The following ATP13A3 variants were observed in gnomAD, a reference collection of about 807,000 sequenced individuals.
The protein encoded by ATP13A3 is polyamine-transporting ATPase 13A3.
ATP13A3 carries 59 observed loss-of-function variants against 158.1 expected under a neutral mutation model. The observed-to-expected ratio is 0.37, with a 90% confidence interval of 0.30 to 0.46. ATP13A3 has a LOEUF of 0.46. ATP13A3 is among the 20% of genes least tolerant of loss of function. The pLI, the probability that ATP13A3 is intolerant of heterozygous loss-of-function variation, is 1.00. For synonymous variants in ATP13A3, 491 were observed against 504.3 expected, an observed-to-expected ratio of 0.97 and a Z score of 0.35; for missense variants, 1,166 against 1,525.2, an observed-to-expected ratio of 0.76 and a Z score of 3.92.
At chr3:194,422,193 G>C (rs546985297) in intron 30 of ATP13A3, among the ~76,000 whole-genome samples, 1 of 152,202 alleles carries the variant, frequency 6.6e-6, no homozygotes, top group South Asian at 2.1e-4. Context: ...ATGGCTGGCA[G>C]ACATACAACC....
chr3:194,464,608 G>A (rs902396794), intron 2 of ATP13A3, among the ~76,000 whole-genome samples: 6 of 151,934 alleles, frequency 3.9e-5, no homozygotes, highest in South Asian at 2.1e-4. Context: ...TAATAACACC[G>A]TACAGGCCTA....
intron 10 of ATP13A3, chr3:194,452,362 C>T (rs1359512992): frequency 5.9e-5 from 9 of 152,238 alleles, no homozygotes; most frequent in Non-Finnish European, 8.8e-5. Flanking sequence ...CGTGGTGGCA[C>T]ATGCCTCTAA....
At chr3:194,417,296 T>C (rs1022038178) in intron 31 of ATP13A3, among the ~76,000 whole-genome samples, 1 of 151,740 alleles carries the variant, frequency 6.6e-6, no homozygotes, top group African/African-American at 2.4e-5. Flanking sequence ...TTGTGGCAGG[T>C]GCCAGCTACT....
At chr3:194,433,401 T>G (rs993235784) in intron 21 of ATP13A3, among the ~76,000 whole-genome samples, 2 of 151,888 alleles carry the variant, frequency 1.3e-5, no homozygotes, top group East Asian at 1.9e-4. Flanking sequence ...CCGCCACCGC[T>G]CCCGGCTAAT....
chr3:194,405,812 G>A lies in ATP13A3; in HGVS notation c.*107C>T, dbSNP rs925051708. 1.7e-6 allele frequency: 2 copies of A among 1,143,550 alleles called. No individual in the cohort carries two copies. The highest frequency in any genetic ancestry group is 1.6e-5 in the African/African-American group (1 of 64,504). The allele number at this position is 1,143,550 out of a possible 1,614,324, so 70.8% of individuals were successfully genotyped here. Reference sequence around the variant, plus strand: ...TGTCAAATAAGCTACTATATCAGAAGGGACATAAACTGAACTAGTGCCATT... The same window carrying A: ...TGTCAAATAAGCTACTATATCAGAAAGGACATAAACTGAACTAGTGCCATT... On this transcript the variant is annotated 3_prime_UTR_variant, in exon 34 of 34. Transcript: ENST00000645319.
rs1289611445 is a variant in ATP13A3, at chr3:194,404,196, A to G, written c.*1723T>C. On this transcript the variant is annotated 3_prime_UTR_variant, in exon 34 of 34. Coordinates refer to ENST00000645319, the MANE Select transcript of ATP13A3 (RefSeq NM_001367549.1). Reference sequence around the variant, plus strand: ...AGAGGTCTAAGATGCATAGCTTCATAGAATCATTCATGGAACAACTGTTAT... The same window carrying G: ...AGAGGTCTAAGATGCATAGCTTCATGGAATCATTCATGGAACAACTGTTAT... 7 of 427,572 alleles carry G rather than the reference A, an allele frequency of 1.6e-5. No individual in the cohort carries two copies. Among genetic ancestry groups the G allele is most frequent in the Middle Eastern group, 4.1e-4 (1 of 2,466 alleles). 26.5% of individuals were successfully genotyped at this position (427,572 alleles called of 1,614,324 possible). A position where few individuals can be genotyped will look rare whatever the true frequency, so the allele number is the denominator to read the frequency against.
chr3:194,484,047 G>A (rs1720866516), intron 2 of ATP13A3, among the ~76,000 whole-genome samples: 1 of 152,146 alleles, frequency 6.6e-6, no homozygotes, highest in Non-Finnish European at 1.5e-5. Context: ...AGGTGATCTA[G>A]TGTGTGACAC....
In ATP13A3 at chr3:194,460,806, C is replaced by T. The variant is rs375946103; in HGVS notation, c.77G>A (p.Arg26His). Residue 26 changes from arginine (R) to histidine (H), a missense_variant, in exon 4 of 34, where the codon CGC becomes CAC. Physicochemically the swap from Arg to His is conservative, Grantham distance 29. Transcript: ENST00000645319. ...EMEIYGYNLS[R>H]WKLAIVSLGV... ...TAAAGAAACTATGGCAAGCTTCCAG[C>T]GACTCAAATTGTAACCATAAATCTC... is the stretch of plus-strand genomic sequence containing the variant. 26 of 1,613,798 alleles carry T rather than the reference C, an allele frequency of 1.6e-5. No homozygotes were observed. The highest frequency in any genetic ancestry group is 5.5e-5 in the South Asian group (5 of 91,060).
At chr3:194,435,432 A>G (rs1230613462) in intron 20 of ATP13A3, among the ~76,000 whole-genome samples, 6 of 152,136 alleles carry the variant, frequency 3.9e-5, no homozygotes, top group African/African-American at 1.2e-4. Flanking sequence ...GGCTTAAGCT[A>G]TAAGGGAAAT....
intron 2 of ATP13A3, among the ~76,000 whole-genome samples, chr3:194,480,095 A>G (rs10933654): frequency 0.069 from 10,564 of 152,220 alleles, 877 homozygotes; most frequent in African/African-American, 0.2. Context: ...CTTGTTTTGA[A>G]TATCTTCAAT....
chr3:194,483,984 T>A (rs566569641), intron 2 of ATP13A3, among the ~76,000 whole-genome samples: 1 of 152,220 alleles, frequency 6.6e-6, no homozygotes, highest in South Asian at 2.1e-4. Context: ...GTTGGCAGCT[T>A]ATCACCTATC....
In ATP13A3 at chr3:194,421,944, C is replaced by CAAAA. The variant is rs397972334; in HGVS notation, c.3314-1981_3314-1978dup. 1.0e-3 allele frequency among the ~76,000 whole-genome samples: 99 copies of CAAAA among 97,476 alleles called. 1 individual carries two copies. The highest frequency in any genetic ancestry group is 3.5e-3 in the African/African-American group (81 of 23,134). The allele number at this position is 97,476 out of a possible 152,430, so 63.9% of individuals were successfully genotyped here. The stretch of plus-strand genomic sequence containing the variant: ...TGGTTCTTGACATGTGTGTCGTTGG[C>CAAAA]AAAAAAAAAAAAAAAAAATTTACTC... On this transcript the variant is annotated intron_variant, in intron 30 of 33. Transcript: ENST00000645319.
At chr3:194,481,316 T>A (rs1407024029) in intron 2 of ATP13A3, among the ~76,000 whole-genome samples, 1 of 150,086 alleles carries the variant, frequency 6.7e-6, no homozygotes, top group Non-Finnish European at 1.5e-5. Context: ...TTAAACAAAC[T>A]AAAAATAGTT....
At chr3:194,420,897 C>T (rs1241383511) in intron 30 of ATP13A3, among the ~76,000 whole-genome samples, 3 of 150,882 alleles carry the variant, frequency 2.0e-5, no homozygotes, top group African/African-American at 4.9e-5. Flanking sequence ...TTTACTAAGA[C>T]CACATACAAA....
intron 33 of ATP13A3, among the ~76,000 whole-genome samples, chr3:194,407,542 CCTG>C (rs1213697413): frequency 2.6e-5 from 4 of 152,184 alleles, no homozygotes; most frequent in Non-Finnish European, 5.9e-5. Context: ...CCCTCTCCTC[CCTG>C]GCCCCGCTGA....
intron 30 of ATP13A3, among the ~76,000 whole-genome samples, chr3:194,423,829 C>T (rs1479685870): frequency 6.6e-6 from 1 of 151,794 alleles, no homozygotes; most frequent in African/African-American, 2.4e-5. Flanking sequence ...TAATATTCTC[C>T]CTTTCTCTTT....
upstream of ATP13A3, among the ~76,000 whole-genome samples, chr3:194,491,896 C>T (rs1214294054): frequency 3.9e-5 from 6 of 152,134 alleles, no homozygotes; most frequent in South Asian, 1.3e-3. Context: ...GGCATGCCCC[C>T]TCATCTCTCA....
chr3:194,466,709 G>A (rs544114936), intron 2 of ATP13A3, among the ~76,000 whole-genome samples: 2 of 152,072 alleles, frequency 1.3e-5, no homozygotes, highest in East Asian at 3.9e-4. Flanking sequence ...TAAACAGCTG[G>A]GTGCAGTGGT....
At chr3:194,427,355 C>T (rs917557715) in intron 28 of ATP13A3, 103 bp from the exon 29 acceptor site, 6 of 1,044,360 alleles carry the variant, frequency 5.7e-6, no homozygotes, top group Non-Finnish European at 6.7e-6. Context: ...TTGTTTTTGC[C>T]TAACAATTCT....
Sources: gnomAD v4.1 joint callset for allele counts (sites outside exome capture counted in the v4.1 genomes callset) on GRCh38, gnomAD v4.1.1 for gene constraint, MANE v1.5 for transcripts, NCBI Gene and HGNC (gene_info 2026-07-23, HGNC 2026-07-21) for gene names.